RAD51B: variants seen among roughly 807,000 people sequenced by gnomAD.
The protein encoded by RAD51B is RAD51 paralog B, also known as DNA repair protein RAD51 homolog 2.
RAD51B carries 38 observed loss-of-function variants against 42.2 expected under a neutral mutation model. The ratio of observed to expected loss-of-function variants is 0.90; its 90% confidence interval spans 0.70 to 1.18. The LOEUF is 1.18. Ranked by LOEUF, RAD51B falls within the 50% of genes most tolerant of loss-of-function variation. The pLI, the probability that RAD51B is intolerant of heterozygous loss-of-function variation, is 0.00. For missense variants in RAD51B, 373 were observed against 400.7 expected, an observed-to-expected ratio of 0.93 and a Z score of 0.59; for synonymous variants, 154 against 145.2, an observed-to-expected ratio of 1.06 and a Z score of -0.43.
intron 7 of RAD51B, among the ~76,000 whole-genome samples, chr14:68,272,665 A>ATATAT (rs2081140091): frequency 8.0e-5 from 1 of 12,476 alleles, no homozygotes; most frequent in Non-Finnish European, 1.4e-4. Flanking sequence ...ATATATATAT[A>ATATAT]TTTTTTTTTT....
chr14:67,923,595 AG>A (rs1489231709), intron 7 of RAD51B, among the ~76,000 whole-genome samples: 3 of 152,148 alleles, frequency 2.0e-5, no homozygotes, highest in Non-Finnish European at 4.4e-5. Flanking sequence ...CACTGCGACC[AG>A]CAGTATATCA....
chr14:68,653,362 A>G, intron 11 of RAD51B, among the ~76,000 whole-genome samples: 1 of 152,168 alleles, frequency 6.6e-6, no homozygotes. Flanking sequence ...CAACATAGCA[A>G]GACCCTGTCT....
chr14:68,156,759 G>A (rs1265069426), intron 7 of RAD51B, among the ~76,000 whole-genome samples: 1 of 152,072 alleles, frequency 6.6e-6, no homozygotes, highest in Non-Finnish European at 1.5e-5. Flanking sequence ...ATTCTTGAAA[G>A]TTTGAAAATG....
intron 7 of RAD51B, among the ~76,000 whole-genome samples, chr14:67,984,594 G>A (rs2075151050): frequency 6.6e-6 from 1 of 152,074 alleles, no homozygotes; most frequent in Non-Finnish European, 1.5e-5. Context: ...TCTTTGTTCA[G>A]TCTGGACTCT....
At chr14:68,274,879 G>GGCTTT (rs2139600347) in intron 7 of RAD51B, among the ~76,000 whole-genome samples, 1 of 152,174 alleles carries the variant, frequency 6.6e-6, no homozygotes, top group South Asian at 2.1e-4. Context: ...GGGTTTAGAG[G>GGCTTT]GTTTTGTTTT....
chr14:67,922,055 G>A (rs562208834), intron 7 of RAD51B, among the ~76,000 whole-genome samples: 7 of 152,310 alleles, frequency 4.6e-5, no homozygotes, highest in Admixed American at 2.0e-4. Context: ...CTCAGCAAGC[G>A]TCCAGCTTTG....
intron 4 of RAD51B, among the ~76,000 whole-genome samples, chr14:67,835,589 A>G (rs1236495110): frequency 2.0e-5 from 3 of 151,694 alleles, no homozygotes; most frequent in Admixed American, 6.6e-5. Context: ...TATATGTAAT[A>G]TGTATGCACA....
chr14:68,097,792 C>A (rs1448045669), intron 7 of RAD51B, among the ~76,000 whole-genome samples: 6 of 152,156 alleles, frequency 3.9e-5, no homozygotes, highest in Admixed American at 2.6e-4. Context: ...AAATGCAAAT[C>A]ATTCTTAAAA....
At chr14:67,949,875 G>A (rs1031124711) in intron 7 of RAD51B, among the ~76,000 whole-genome samples, 8 of 152,120 alleles carry the variant, frequency 5.3e-5, no homozygotes, top group South Asian at 4.1e-4. Context: ...GGCCAGGGGC[G>A]TTGTCAATGA....
At chr14:68,429,679 T>G (rs2084949923) in intron 9 of RAD51B, among the ~76,000 whole-genome samples, 1 of 152,202 alleles carries the variant, frequency 6.6e-6, no homozygotes, top group South Asian at 2.1e-4. Flanking sequence ...TTGCAAAAAT[T>G]TTCTCCCATT....
chr14:68,585,183 T>G (rs761944), intron 10 of RAD51B, among the ~76,000 whole-genome samples: 43,853 of 152,060 alleles, frequency 0.29, 8,830 homozygotes, highest in African/African-American at 0.57. Flanking sequence ...GTTATTTGCA[T>G]TTTAATAACC....
At chr14:68,374,089 C>A (rs1446701618) in intron 8 of RAD51B, among the ~76,000 whole-genome samples, 1 of 152,154 alleles carries the variant, frequency 6.6e-6, no homozygotes, top group Non-Finnish European at 1.5e-5. Flanking sequence ...TGAAACTCAA[C>A]AAAGAAATTA....
chr14:68,220,560 C>G (rs1294708384), intron 7 of RAD51B, among the ~76,000 whole-genome samples: 1 of 152,132 alleles, frequency 6.6e-6, no homozygotes, highest in Non-Finnish European at 1.5e-5. Flanking sequence ...TGGAATAAGA[C>G]AAAGATGCCC....
intron 10 of RAD51B, among the ~76,000 whole-genome samples, chr14:68,530,128 C>T (rs114071220): frequency 6.6e-6 from 1 of 151,268 alleles, no homozygotes; most frequent in Non-Finnish European, 1.5e-5. Flanking sequence ...AACCTATCTA[C>T]CTCAAGGATA....
intron 9 of RAD51B, among the ~76,000 whole-genome samples, chr14:68,426,984 A>T (rs777525303): frequency 4.6e-5 from 7 of 152,220 alleles, no homozygotes; most frequent in Non-Finnish European, 7.3e-5. Flanking sequence ...CCACCCAGTC[A>T]TAGCTCAAGC....
At chr14:68,409,519 G>A (rs1460172475) in intron 8 of RAD51B, among the ~76,000 whole-genome samples, 2 of 152,132 alleles carry the variant, frequency 1.3e-5, no homozygotes, top group Non-Finnish European at 2.9e-5. Flanking sequence ...AGAAAACAAA[G>A]GCAGAAAAAG....
At chr14:68,199,762 A>T (rs972398852) in intron 7 of RAD51B, among the ~76,000 whole-genome samples, 1 of 152,148 alleles carries the variant, frequency 6.6e-6, no homozygotes, top group Non-Finnish European at 1.5e-5. Context: ...CTGCCATTCA[A>T]TAATAGCTTG....
chr14:68,635,665 G>C (rs907510785), intron 10 of RAD51B, among the ~76,000 whole-genome samples: 1 of 151,932 alleles, frequency 6.6e-6, no homozygotes, highest in Admixed American at 6.6e-5. Flanking sequence ...TCACTTCTTT[G>C]TACTTAGTCT....
chr14:68,431,765 G>A (rs1414819249), intron 9 of RAD51B, among the ~76,000 whole-genome samples: 4 of 152,036 alleles, frequency 2.6e-5, no homozygotes, highest in Non-Finnish European at 5.9e-5. Flanking sequence ...GTTCTGCTCC[G>A]ATCTTAGTTA....
Sources: allele counts gnomAD v4.1 joint callset (sites outside exome capture counted in the v4.1 genomes callset), GRCh38; gene constraint gnomAD v4.1.1; transcripts MANE v1.5; gene names NCBI Gene and HGNC (gene_info 2026-07-23, HGNC 2026-07-21).